Variants in KCNQ1 observed in about 807,000 individuals in gnomAD.
KCNQ1 encodes the protein potassium voltage-gated channel subfamily Q member 1.
KCNQ1 carries 49 observed loss-of-function variants against 72.4 expected under a neutral mutation model. The ratio of observed to expected loss-of-function variants is 0.68; its 90% CI spans 0.54 to 0.86. The LOEUF is 0.86. Among genes scored for constraint, KCNQ1 ranks in the 40% least tolerant of loss-of-function variants. The probability of loss-of-function intolerance (pLI) is 0.00; values close to 1 mark genes in which losing one functional copy is unlikely to be tolerated. For synonymous variants in KCNQ1, 450 were observed against 412.6 expected (o/e 1.09, Z -1.10); for missense variants, 790 against 945.1 (o/e 0.84, Z 2.15).
chr11:2,822,926 T>TTA (rs796594234), intron 15 of KCNQ1, among the ~76,000 whole-genome samples: 13 of 145,398 alleles, frequency 8.9e-5, no homozygotes, highest in African/African-American at 3.3e-4. Context: ...GCTGCTGAAT[T>TTA]AAAAAAAAAA....
intron 15 of KCNQ1, among the ~76,000 whole-genome samples, chr11:2,836,932 C>T (rs913285667): frequency 6.6e-6 from 1 of 152,134 alleles, no homozygotes; most frequent in Non-Finnish European, 1.5e-5. Context: ...TCATAGGGTA[C>T]TTATACCATG....
At chr11:2,606,053 TCTA>T (rs1434965664) in intron 10 of KCNQ1, among the ~76,000 whole-genome samples, 11 of 152,366 alleles carry the variant, frequency 7.2e-5, no homozygotes, top group Admixed American at 3.3e-4. Context: ...ATACATAAAA[TCTA>T]CTATTTTACT....
intron 2 of KCNQ1, among the ~76,000 whole-genome samples, chr11:2,540,394 G>C (rs1237212834): frequency 6.6e-6 from 1 of 152,246 alleles, no homozygotes; most frequent in Non-Finnish European, 1.5e-5. Context: ...GGGGTCAGGA[G>C]CCACGGCTCG....
In KCNQ1 at chr11:2,664,479, CT is replaced by C; in HGVS notation, c.1514+2399del. On this transcript the variant is annotated intron_variant, in intron 11 of 15. Coordinates refer to ENST00000155840, the MANE Select transcript of KCNQ1 (RefSeq NM_000218.3). The surrounding 1 kb of genome is among the most constrained non-coding windows in gnomAD (Gnocchi z 5.1). ...AGGCTGGGTAGAGGCCCCACTCCATCTGGGGGAGAAGGCTGGCAGCAGTGGG... is the reference window on the plus strand; with the variant it reads ...AGGCTGGGTAGAGGCCCCACTCCATCGGGGGAGAAGGCTGGCAGCAGTGGG... 2.5e-6 allele frequency: 1 copy of C among 398,784 alleles called. No homozygotes were observed. The highest frequency in any genetic ancestry group is 4.4e-6 in the Non-Finnish European group (1 of 226,168). 24.7% of individuals were successfully genotyped at this position (398,784 alleles called of 1,614,324 possible).
chr11:2,684,789 C>G (rs1850455671), intron 11 of KCNQ1: 3 of 398,676 alleles, frequency 7.5e-6, no homozygotes, highest in Non-Finnish European at 1.3e-5. Context: ...TCCCTCCCCA[C>G]TGGTCTGGGC....
rs978294135 is a variant in KCNQ1, at chr11:2,508,550, G to A, written c.387-19378G>A. 2.0e-5 allele frequency among the ~76,000 whole-genome samples: 3 copies of A among 151,874 alleles called. No homozygotes were observed. The highest frequency in any genetic ancestry group is 4.4e-5 in the Non-Finnish European group (3 of 67,948). ...TGGGTGTTCGCACCTGAGAGGTTTC[G>A]GGGCAGGGTCCCAGCCTCCATGTAC... On this transcript the variant is annotated intron_variant, in intron 1 of 15. Transcript: ENST00000155840. The surrounding 1 kb of genome is among the most constrained non-coding windows in gnomAD (Gnocchi z 6.2).
chr11:2,582,984 T>A (rs950853537), intron 6 of KCNQ1, among the ~76,000 whole-genome samples: 1 of 151,656 alleles, frequency 6.6e-6, no homozygotes, highest in Admixed American at 6.6e-5. Context: ...TGCCCTGGAG[T>A]GGCGTCAGGA....
intron 11 of KCNQ1, among the ~76,000 whole-genome samples, chr11:2,741,761 G>A (rs1030918840): frequency 5.9e-5 from 9 of 152,256 alleles, no homozygotes; most frequent in Non-Finnish European, 7.3e-5. Context: ...AGGGGCAGCT[G>A]CGGGCGCGCA....
In KCNQ1 at chr11:2,691,937, G is replaced by T. The variant is rs1250852667; in HGVS notation, c.1514+29856G>T. 1 of 398,422 alleles carries T rather than the reference G, an allele frequency of 2.5e-6. No homozygotes were observed. Among genetic ancestry groups the T allele is most frequent in the Non-Finnish European group, 4.4e-6 (1 of 226,130 alleles). The allele number at this position is 398,422 out of a possible 1,614,324, so 24.7% of individuals were successfully genotyped here. A position where few individuals can be genotyped will look rare whatever the true frequency, so the allele number is the denominator to read the frequency against. The stretch of plus-strand genomic sequence containing the variant: ...GTCTCCTTGGCAGGTTTTCCCTTCT[G>T]GCATGGCCACTAAATGCCAGTGCCT... On this transcript the variant is annotated intron_variant, in intron 11 of 15. Transcript: ENST00000155840. This position sits in a 1 kb window ranked among gnomAD's most constrained non-coding sequence, Gnocchi z 6.4.
At chr11:2,615,154 C>G in intron 10 of KCNQ1, 1 of 397,934 alleles carries the variant, frequency 2.5e-6, no homozygotes, top group East Asian at 3.6e-5. Flanking sequence ...CTTTTTGATG[C>G]TATTGTAAGT....
In KCNQ1 at chr11:2,715,669, C is replaced by T. The variant is rs907169281; in HGVS notation, c.1515-53175C>T. 6.6e-6 allele frequency among the ~76,000 whole-genome samples: 1 copy of T among 152,174 alleles called. No individual in the cohort carries two copies. The highest frequency in any genetic ancestry group is 2.4e-5 in the African/African-American group (1 of 41,448). ...CCCAGGTGGTCAAACACAGAAGGAC[C>T]TCTTGGGGGAAGGGGAACCAGCAAA... On this transcript the variant is annotated intron_variant, in intron 11 of 15. Coordinates refer to ENST00000155840, the MANE Select transcript of KCNQ1 (RefSeq NM_000218.3). The surrounding 1 kb of genome is among the most constrained non-coding windows in gnomAD (Gnocchi z 4.9).
intron 11 of KCNQ1, among the ~76,000 whole-genome samples, chr11:2,741,998 T>C (rs7114479): frequency 0.48 from 72,627 of 152,216 alleles, 18,772 homozygotes; most frequent in African/African-American, 0.68. Context: ...CCCAGAACTC[T>C]TGGCTCTCAT....
Position 2,645,542 on chromosome 11 carries a change from G to A in KCNQ1, c.1394-16419G>A, listed in dbSNP as rs1040220766. The A allele has an allele frequency of 5.0e-6, 2 of 398,794 alleles. No individual in the cohort carries two copies. Among genetic ancestry groups the A allele is most frequent in the Admixed American group, 4.4e-5 (1 of 22,744 alleles). The allele number at this position is 398,794 out of a possible 1,614,324, so 24.7% of individuals were successfully genotyped here. A position where few individuals can be genotyped will look rare whatever the true frequency, so the allele number is the denominator to read the frequency against. On this transcript the variant is annotated intron_variant, in intron 10 of 15. Coordinates refer to ENST00000155840, the MANE Select transcript of KCNQ1 (RefSeq NM_000218.3). The surrounding 1 kb of genome is among the most constrained non-coding windows in gnomAD (Gnocchi z 5.8). ...CCCTACTCCTGGGGAAGTTGAGTGG[G>A]ATTGCTTTCAGTGGCAGCAGCTATA...
chr11:2,744,090 C>T (rs1354971033), intron 11 of KCNQ1, among the ~76,000 whole-genome samples: 2 of 152,248 alleles, frequency 1.3e-5, no homozygotes, highest in Non-Finnish European at 2.9e-5. Flanking sequence ...ATGGTACCTT[C>T]ACCACCCTCT....
intron 14 of KCNQ1, 97 bp downstream of exon 14, chr11:2,777,129 C>T (rs1457652105): frequency 8.6e-7 from 1 of 1,169,380 alleles, no homozygotes; most frequent in East Asian, 2.4e-5. Context: ...CAGAATGGGC[C>T]ATTGCACCTC....
At chr11:2,705,458 C>T (rs1339011156) in intron 11 of KCNQ1, among the ~76,000 whole-genome samples, 1 of 151,632 alleles carries the variant, frequency 6.6e-6, no homozygotes. Context: ...CTGCTTGGGG[C>T]CTGGTTGGGT....
At chr11:2,825,443 G>T (rs1040493130) in intron 15 of KCNQ1, among the ~76,000 whole-genome samples, 2 of 152,240 alleles carry the variant, frequency 1.3e-5, no homozygotes, top group East Asian at 1.9e-4. Flanking sequence ...CACGCGGGGG[G>T]GTAGGGGCGC....
chr11:2,839,041 CA>C (rs1848147327), intron 15 of KCNQ1, among the ~76,000 whole-genome samples: 2 of 137,484 alleles, frequency 1.5e-5, no homozygotes, highest in Non-Finnish European at 3.2e-5. Context: ...GGCAGGTGGG[CA>C]GCTGCCTCGG....
Position 2,611,785 on chromosome 11 carries a change from CCT to C in KCNQ1, c.1393+22936_1393+22937del, listed in dbSNP as rs1383997181. ...CTATATGTCTCATATCACTTTTGTT[CCT>C]CTCTTCCTCCTTTACTGCCTTCTGC... On this transcript the variant is annotated intron_variant, in intron 10 of 15. Coordinates refer to ENST00000155840, the MANE Select transcript of KCNQ1 (RefSeq NM_000218.3). The surrounding 1 kb of genome is among the most constrained non-coding windows in gnomAD (Gnocchi z 5.3). The C allele has an allele frequency of 2.5e-6, 1 of 398,200 alleles. No individual in the cohort carries two copies. The highest frequency in any genetic ancestry group is 2.1e-5 in the African/African-American group (1 of 48,562). The allele number at this position is 398,200 out of a possible 1,614,324, so 24.7% of individuals were successfully genotyped here. A position where few individuals can be genotyped will look rare whatever the true frequency, so the allele number is the denominator to read the frequency against.
Sources: allele counts gnomAD v4.1 joint callset (sites outside exome capture counted in the v4.1 genomes callset), GRCh38; gene constraint gnomAD v4.1.1; non-coding constraint Gnocchi (gnomAD v3.1); transcripts MANE v1.5; gene names NCBI Gene and HGNC (gene_info 2026-07-23, HGNC 2026-07-21).